TYW1: variants seen among roughly 807,000 people sequenced by gnomAD.
The protein encoded by TYW1 is tRNA-yW synthesizing protein 1 homolog.
A neutral mutation model predicts 96.2 loss-of-function variants in TYW1; 46 were observed. The observed-to-expected ratio is 0.48, with a 90% CI of 0.38 to 0.61. TYW1 has a LOEUF of 0.61. TYW1 is among the 20% of genes least tolerant of loss of function. TYW1 has a pLI of 0.00. For missense variants in TYW1, 684 were observed against 909.6 expected, an observed-to-expected ratio of 0.75 and a Z score of 3.19; for synonymous variants, 274 against 323.0, an observed-to-expected ratio of 0.85 and a Z score of 1.63.
intron 13 of TYW1, among the ~76,000 whole-genome samples, chr7:67,154,198 A>T (rs1183547104): frequency 6.6e-6 from 1 of 152,120 alleles, no homozygotes; most frequent in Non-Finnish European, 1.5e-5. Flanking sequence ...CTGGGATTAC[A>T]GTTGTGAGCC....
chr7:67,038,784 G>A (rs1289179433), intron 7 of TYW1, among the ~76,000 whole-genome samples: 3 of 152,058 alleles, frequency 2.0e-5, no homozygotes, highest in Admixed American at 6.6e-5. Flanking sequence ...CATGCCTGTA[G>A]TCCCAGCTAC....
chr7:67,216,014 A>C, intron 15 of TYW1, among the ~76,000 whole-genome samples: 1 of 82,202 alleles, frequency 1.2e-5, no homozygotes, highest in East Asian at 2.2e-4. Context: ...CCTTCAGTAC[A>C]ATCAAAGTTG....
intron 14 of TYW1, among the ~76,000 whole-genome samples, chr7:67,186,264 T>C (rs1286599454): frequency 2.9e-5 from 2 of 69,832 alleles, no homozygotes; most frequent in African/African-American, 1.6e-4. Flanking sequence ...CCTTCCTTTC[T>C]TCCCCCCCGC....
intron 8 of TYW1, among the ~76,000 whole-genome samples, chr7:67,055,369 G>C (rs568743983): frequency 1.3e-5 from 2 of 152,280 alleles, no homozygotes; most frequent in East Asian, 3.9e-4. Context: ...GGCGGAGGTA[G>C]ATGGATCACT....
intron 11 of TYW1, among the ~76,000 whole-genome samples, chr7:67,084,866 G>C (rs1486336929): frequency 6.6e-6 from 1 of 152,184 alleles, no homozygotes; most frequent in Non-Finnish European, 1.5e-5. Context: ...TGGGGACCAT[G>C]CTTTGAGAAC....
chr7:67,032,430 G>A (rs141763653), intron 7 of TYW1, among the ~76,000 whole-genome samples: 7,826 of 152,070 alleles, frequency 0.051, 276 homozygotes, highest in Admixed American at 0.072. Flanking sequence ...ACCAGCCTGG[G>A]CAACATGGCA....
At chr7:67,153,580 A>G (rs1251474662) in intron 13 of TYW1, among the ~76,000 whole-genome samples, 14 of 152,234 alleles carry the variant, frequency 9.2e-5, no homozygotes, top group Non-Finnish European at 2.9e-5. Flanking sequence ...TAAGGAAAAT[A>G]ATTACTTTAT....
intron 10 of TYW1, among the ~76,000 whole-genome samples, chr7:67,072,060 C>CCA (rs1796046097): frequency 6.7e-6 from 1 of 149,880 alleles, no homozygotes; most frequent in African/African-American, 2.5e-5. Flanking sequence ...TGTCTCCTGT[C>CCA]CAGTGTGCCT....
intron 6 of TYW1, among the ~76,000 whole-genome samples, chr7:67,021,139 C>T (rs761979033): frequency 4.6e-5 from 7 of 152,286 alleles, no homozygotes; most frequent in African/African-American, 9.6e-5. Flanking sequence ...GATTGTCATA[C>T]GTTGTTCAGA....
chr7:67,172,430 C>CCTTTT (rs777213368), intron 13 of TYW1, among the ~76,000 whole-genome samples: 39 of 143,960 alleles, frequency 2.7e-4, no homozygotes, highest in African/African-American at 3.7e-4. Context: ...CCTTACCATT[C>CCTTTT]TTTTTTTTGA....
At chr7:67,161,855 C>G (rs1343153406) in intron 13 of TYW1, among the ~76,000 whole-genome samples, 5 of 152,044 alleles carry the variant, frequency 3.3e-5, no homozygotes, top group African/African-American at 9.7e-5. Context: ...TGCTGTACCC[C>G]CAGGCATATC....
intron 14 of TYW1, among the ~76,000 whole-genome samples, chr7:67,184,702 T>C (rs2116312042): frequency 1.4e-5 from 2 of 145,502 alleles, no homozygotes; most frequent in East Asian, 3.9e-4. Flanking sequence ...TGTTATGTTA[T>C]GTTATGTTAT....
chr7:67,085,679 A>AAATT (rs1432810169), intron 11 of TYW1, among the ~76,000 whole-genome samples: 3 of 152,130 alleles, frequency 2.0e-5, no homozygotes, highest in African/African-American at 7.2e-5. Context: ...AAAGATAATT[A>AAATT]TTCAGTAGGC....
intron 15 of TYW1, among the ~76,000 whole-genome samples, chr7:67,231,914 A>G (rs1370614656): frequency 6.6e-6 from 1 of 151,130 alleles, no homozygotes; most frequent in East Asian, 1.9e-4. Flanking sequence ...GGTCTTATGG[A>G]CTAGTTCTTT....
chr7:67,081,789 T>C (rs1329506417), intron 10 of TYW1, among the ~76,000 whole-genome samples: 1 of 150,580 alleles, frequency 6.6e-6, no homozygotes, highest in Non-Finnish European at 1.5e-5. Flanking sequence ...TTTCTTTTTC[T>C]TTTCTCCTTT....
intron 14 of TYW1, among the ~76,000 whole-genome samples, chr7:67,189,402 C>CAT (rs35584085): frequency 6.6e-6 from 1 of 150,760 alleles, no homozygotes; most frequent in Admixed American, 6.6e-5. Context: ...GTGTTGTGTG[C>CAT]GTGTGTTGTG....
At chr7:67,019,805 T>C (rs1166408991) in intron 6 of TYW1, among the ~76,000 whole-genome samples, 2 of 152,292 alleles carry the variant, frequency 1.3e-5, no homozygotes, top group Non-Finnish European at 2.9e-5. Context: ...GAAATTCTCA[T>C]TGCTTTATAG....
At chr7:67,028,256 A>T (rs1386760500) in intron 7 of TYW1, among the ~76,000 whole-genome samples, 7 of 145,536 alleles carry the variant, frequency 4.8e-5, no homozygotes, top group Non-Finnish European at 1.1e-4. Flanking sequence ...AAAAAAAAAA[A>T]GGCAGACCTG....
intron 15 of TYW1, among the ~76,000 whole-genome samples, chr7:67,228,678 CCTT>C (rs1380741286): frequency 1.3e-5 from 2 of 152,116 alleles, no homozygotes; most frequent in African/African-American, 4.8e-5. Flanking sequence ...TATAAGATTT[CCTT>C]CTTATTTCAA....
Sources: allele counts gnomAD v4.1 joint callset (sites outside exome capture counted in the v4.1 genomes callset), GRCh38; gene constraint gnomAD v4.1.1; transcripts MANE v1.5; gene names NCBI Gene and HGNC (gene_info 2026-07-23, HGNC 2026-07-21).